The following KIZ variants were observed in gnomAD, a reference collection of about 807,000 sequenced individuals.
The protein encoded by KIZ is kizuna centrosomal protein.
KIZ carries 68 observed loss-of-function variants against 79.6 expected under a neutral mutation model. The observed-to-expected ratio is 0.85, with a 90% confidence interval of 0.70 to 1.05. KIZ has a LOEUF of 1.05. KIZ is among the 50% of genes least tolerant of loss of function. The pLI, the probability that KIZ is intolerant of heterozygous loss-of-function variation, is 0.00. For missense variants in KIZ, 797 were observed against 800.4 expected, an observed-to-expected ratio of 1.00 and a Z score of 0.05; for synonymous variants, 280 against 281.8, an observed-to-expected ratio of 0.99 and a Z score of 0.06.
intron 4 of KIZ, among the ~76,000 whole-genome samples, chr20:21,149,231 G>A (rs989544711): frequency 6.6e-6 from 1 of 152,152 alleles, no homozygotes; most frequent in Non-Finnish European, 1.5e-5. Flanking sequence ...GGTAGTATGG[G>A]TAAAAGATAG....
intron 4 of KIZ, chr20:21,151,081 T>A (rs1308953680): frequency 6.6e-6 from 1 of 152,192 alleles, no homozygotes; most frequent in Admixed American, 6.5e-5. Context: ...ACAGCAACCT[T>A]ACAAAATAAG....
At chr20:21,177,882 T>C (rs1349059438) in intron 6 of KIZ, among the ~76,000 whole-genome samples, 1 of 152,152 alleles carries the variant, frequency 6.6e-6, no homozygotes, top group African/African-American at 2.4e-5. Flanking sequence ...ATCAGTTGAC[T>C]GCATATGCAT....
In KIZ at chr20:21,162,213, C is replaced by G. The variant is rs777197960; in HGVS notation, c.748C>G (p.His250Asp). Residue 250 changes from histidine to aspartate, a missense_variant, in exon 5 of 13, where the codon CAT becomes GAT. Coordinates refer to ENST00000619189, the MANE Select transcript of KIZ (RefSeq NM_018474.6). The part of the protein sequence containing the change: ...ASVLSEEEQT[H>D]CLEIGSNTRH... ...TGTATTGTCTGAGGAGGAACAAACT[C>G]ATTGCTTGGAGATAGGAAGTAACAC... is the stretch of plus-strand genomic sequence containing the variant. The G allele has an allele frequency of 1.2e-6, 2 of 1,613,846 alleles. No homozygotes were observed. Among genetic ancestry groups the G allele is most frequent in the Admixed American group, 3.3e-5 (2 of 60,022 alleles).
intron 3 of KIZ, among the ~76,000 whole-genome samples, chr20:21,141,318 G>C (rs1257017098): frequency 6.6e-6 from 1 of 152,130 alleles, no homozygotes; most frequent in African/African-American, 2.4e-5. Context: ...AGGGCACTGG[G>C]TGTATTATTA....
chr20:21,128,149 A>G (rs1306975876), intron 1 of KIZ, among the ~76,000 whole-genome samples: 1 of 152,044 alleles, frequency 6.6e-6, no homozygotes, highest in African/African-American at 2.4e-5. Flanking sequence ...AGTAGCTGGG[A>G]TTACAGGCGC....
chr20:21,155,828 A>G (rs1600400832), intron 4 of KIZ, among the ~76,000 whole-genome samples: 1 of 152,130 alleles, frequency 6.6e-6, no homozygotes, highest in East Asian at 1.9e-4. Context: ...GTTGCTTCCA[A>G]CTTTTTATGA....
intron 6 of KIZ, among the ~76,000 whole-genome samples, chr20:21,171,484 G>A (rs1184405125): frequency 6.6e-6 from 1 of 152,098 alleles, no homozygotes; most frequent in Non-Finnish European, 1.5e-5. Flanking sequence ...ACACTCTGTT[G>A]CCCAGGCTGG....
chr20:21,162,525 G>A lies in KIZ; in HGVS notation c.1042+18G>A. The A allele has an allele frequency of 4.4e-6, 7 of 1,589,918 alleles. No homozygotes were observed. Among genetic ancestry groups the A allele is most frequent in the Non-Finnish European group, 6.0e-6 (7 of 1,168,170 alleles). ...TGTTTCAGGTGGGATGAGAGGCTGA[G>A]TTTGGTTGCTGATTTTTCTGGGTGG... On this transcript the variant is annotated intron_variant, in intron 5 of 12. Coordinates refer to ENST00000619189, the MANE Select transcript of KIZ (RefSeq NM_018474.6).
At chr20:21,221,898 G>A (rs1287687469) in intron 9 of KIZ, among the ~76,000 whole-genome samples, 2 of 141,054 alleles carry the variant, frequency 1.4e-5, no homozygotes, top group Middle Eastern at 3.5e-3. Flanking sequence ...AGGTTTTACC[G>A]AGAATGTGCT....
chr20:21,142,562 T>C lies in KIZ; in HGVS notation c.316-3003T>C, dbSNP rs567441143. The stretch of plus-strand genomic sequence containing the variant: ...TTTAATAGCAGAGGTATTCTGAATA[T>C]ATAATGTCATTATTTAAAGATGTGA... On this transcript the variant is annotated intron_variant, in intron 3 of 12. Transcript: ENST00000619189. Among the ~76,000 whole-genome samples, 100 of 152,252 alleles carry C rather than the reference T, an allele frequency of 6.6e-4. 1 individual carries two copies. The highest frequency in any genetic ancestry group is 3.4e-3 in the Middle Eastern group (1 of 294).
At position 21,153,533 on chromosome 20, in the gene KIZ, C is replaced by T. The variant is rs183927429; in HGVS notation, c.405+7879C>T. ...CTAAGTTGTGAGATTTTGGTGATGA[C>T]TACATTTGTCATGGTGGCAACATGT... is the stretch of plus-strand genomic sequence containing the variant. On this transcript the variant is annotated intron_variant, in intron 4 of 12. Coordinates refer to ENST00000619189, the MANE Select transcript of KIZ (RefSeq NM_018474.6). Among the ~76,000 whole-genome samples the T allele has an allele frequency of 2.8e-4, 42 of 152,184 alleles. No individual in the cohort carries two copies. The East Asian group carries it at 6.0e-3, about 22-fold the overall frequency.
At chr20:21,197,719 T>G (rs1401386991) in intron 6 of KIZ, 1 of 152,268 alleles carries the variant, frequency 6.6e-6, no homozygotes, top group Non-Finnish European at 1.5e-5. Flanking sequence ...AGTTGCTGCA[T>G]TTTAATGTCC....
At chr20:21,225,842 A>G (rs964397857) in intron 9 of KIZ, among the ~76,000 whole-genome samples, 3 of 152,192 alleles carry the variant, frequency 2.0e-5, no homozygotes, top group African/African-American at 4.8e-5. Context: ...GAGAACTCCT[A>G]GAAAAAGTAC....
intron 11 of KIZ, among the ~76,000 whole-genome samples, chr20:21,240,782 A>G (rs1600631005): frequency 6.6e-6 from 1 of 152,258 alleles, no homozygotes; most frequent in East Asian, 1.9e-4. Flanking sequence ...ATGTTTCGTG[A>G]CACCTGAAAG....
At chr20:21,234,773 T>TAAAA (rs537068910) in intron 11 of KIZ, among the ~76,000 whole-genome samples, 4 of 97,198 alleles carry the variant, frequency 4.1e-5, no homozygotes, top group East Asian at 3.0e-4. Flanking sequence ...CCACTGGACC[T>TAAAA]AAAAAAAAAA....
intron 6 of KIZ, among the ~76,000 whole-genome samples, chr20:21,171,718 T>G (rs1004977474): frequency 6.6e-6 from 1 of 152,244 alleles, no homozygotes; most frequent in African/African-American, 2.4e-5. Flanking sequence ...GTGCTGGGAT[T>G]ACAGGCATGA....
intron 3 of KIZ, among the ~76,000 whole-genome samples, chr20:21,140,751 G>A (rs1327758275): frequency 2.0e-5 from 3 of 152,210 alleles, no homozygotes; most frequent in African/African-American, 4.8e-5. Flanking sequence ...GGCTGAGGTG[G>A]GAGGATCACT....
At chr20:21,173,803 C>CTG (rs1411288942) in intron 6 of KIZ, among the ~76,000 whole-genome samples, 3 of 152,018 alleles carry the variant, frequency 2.0e-5, no homozygotes, top group Non-Finnish European at 2.9e-5. Context: ...CAGGGAGATG[C>CTG]TGAGTAGGCA....
At position 21,176,682 on chromosome 20, in the gene KIZ, GCTAGGGCT is replaced by G. The variant is rs1160077619; in HGVS notation, c.1352+13536_1352+13543del. On this transcript the variant is annotated intron_variant, in intron 6 of 12. Transcript: ENST00000619189. ...GGAATTTAAAATAACTGATTAATAT[GCTAGGGCT>G]CTAGGGCTCTAGAGCTCTAAAGGAA... Among the ~76,000 whole-genome samples the G allele has an allele frequency of 6.6e-5, 10 of 152,196 alleles. No individual in the cohort carries two copies. The South Asian group carries it at 8.3e-4, about 13-fold the overall frequency.
Sources: allele counts gnomAD v4.1 joint callset (sites outside exome capture counted in the v4.1 genomes callset), GRCh38; gene constraint gnomAD v4.1.1; transcripts MANE v1.5; gene names NCBI Gene and HGNC (gene_info 2026-07-23, HGNC 2026-07-21).